CDK14: variants seen among roughly 807,000 people sequenced by gnomAD.
CDK14 encodes cyclin dependent kinase 14.
Under a neutral mutation model 60.7 loss-of-function variants are expected in CDK14, and 34 were observed. The observed-to-expected ratio is 0.56, with a 90% CI of 0.43 to 0.75. The LOEUF is 0.75. Among genes scored for constraint, CDK14 ranks in the 30% least tolerant of loss-of-function variants. The probability of loss-of-function intolerance (pLI) is 0.00; values close to 1 mark genes in which losing one functional copy is unlikely to be tolerated. For missense variants in CDK14, 482 were observed against 564.1 expected, an observed-to-expected ratio of 0.85 and a Z score of 1.47; for synonymous variants, 197 against 203.7, an observed-to-expected ratio of 0.97 and a Z score of 0.28.
intron 3 of CDK14, among the ~76,000 whole-genome samples, chr7:90,745,727 C>T (rs955120188): frequency 1.3e-5 from 2 of 152,110 alleles, no homozygotes; most frequent in Non-Finnish European, 2.9e-5. Flanking sequence ...TTAAAGTTAT[C>T]CTTACCTTTG....
Position 90,596,599 on chromosome 7 carries a change from G to T in CDK14, c.-29G>T. Reference sequence around the variant, plus strand: ...CTGAGCTGTGCCTGGACCAGTTTGGGGAAGTTGTCGGGGCTCCGCGTCGCC... The same window carrying T: ...CTGAGCTGTGCCTGGACCAGTTTGGTGAAGTTGTCGGGGCTCCGCGTCGCC... On this transcript the variant is annotated 5_prime_UTR_variant, in exon 1 of 15. Coordinates refer to ENST00000380050, the MANE Select transcript of CDK14 (RefSeq NM_001287135.2). The T allele has an allele frequency of 6.2e-7, 1 of 1,601,388 alleles. No individual in the cohort carries two copies. Among genetic ancestry groups the T allele is most frequent in the East Asian group, 2.2e-5 (1 of 44,718 alleles).
At chr7:90,868,485 T>C (rs972110328) in intron 6 of CDK14, among the ~76,000 whole-genome samples, 44 of 152,132 alleles carry the variant, frequency 2.9e-4, no homozygotes, top group African/African-American at 1.0e-3. Flanking sequence ...AATAAAGCTG[T>C]GAAACAAAGA....
intron 5 of CDK14, among the ~76,000 whole-genome samples, chr7:90,816,351 T>C (rs1789357421): frequency 6.6e-6 from 1 of 152,078 alleles, no homozygotes; most frequent in African/African-American, 2.4e-5. Context: ...CTCCTGAAAG[T>C]TTTCTAATGA....
intron 12 of CDK14, among the ~76,000 whole-genome samples, chr7:91,086,429 A>G (rs1171849817): frequency 6.6e-6 from 1 of 151,958 alleles, no homozygotes; most frequent in Non-Finnish European, 1.5e-5. Flanking sequence ...TCTGTTGGGA[A>G]CTGTTAGGGG....
intron 7 of CDK14, among the ~76,000 whole-genome samples, chr7:90,916,956 A>G (rs1285092709): frequency 6.6e-6 from 1 of 152,060 alleles, no homozygotes; most frequent in Admixed American, 6.6e-5. Flanking sequence ...TCCCTTTAGG[A>G]TGGGTTTGCT....
At chr7:90,637,636 A>C (rs1366891085) in intron 2 of CDK14, among the ~76,000 whole-genome samples, 1 of 151,740 alleles carries the variant, frequency 6.6e-6, no homozygotes, top group Non-Finnish European at 1.5e-5. Context: ...AGAGTTCTGT[A>C]GATGTCTATT....
chr7:90,695,566 GATA>G (rs1801639022), intron 2 of CDK14, among the ~76,000 whole-genome samples: 1 of 152,106 alleles, frequency 6.6e-6, no homozygotes, highest in African/African-American at 2.4e-5. Flanking sequence ...ATGGCAGGCA[GATA>G]ATAAACGGAT....
At chr7:90,635,713 A>AT (rs1800128700) in intron 2 of CDK14, among the ~76,000 whole-genome samples, 1 of 152,034 alleles carries the variant, frequency 6.6e-6, no homozygotes, top group African/African-American at 2.4e-5. Flanking sequence ...GAATCTATAA[A>AT]TTACCTTGGG....
At chr7:90,944,848 G>A (rs1305978860) in intron 8 of CDK14, among the ~76,000 whole-genome samples, 1 of 152,210 alleles carries the variant, frequency 6.6e-6, no homozygotes, top group Non-Finnish European at 1.5e-5. Flanking sequence ...GTTAAGTGCA[G>A]TGCTGAGGTA....
intron 2 of CDK14, among the ~76,000 whole-genome samples, chr7:90,662,816 A>G (rs909300201): frequency 3.3e-5 from 5 of 152,198 alleles, no homozygotes; most frequent in African/African-American, 1.2e-4. Flanking sequence ...TTTCTCAAGA[A>G]GAACTCAAGT....
intron 14 of CDK14, among the ~76,000 whole-genome samples, chr7:91,133,479 AAAAT>A (rs933532876): frequency 6.6e-5 from 10 of 152,320 alleles, no homozygotes; most frequent in South Asian, 2.1e-4. Context: ...AAATATTTTA[AAAAT>A]AAATAAGTAA....
At chr7:90,931,788 G>T (rs559904751) in intron 8 of CDK14, among the ~76,000 whole-genome samples, 5,201 of 151,826 alleles carry the variant, frequency 0.034, 93 homozygotes, top group Middle Eastern at 0.044. Context: ...TTTTGTGTGT[G>T]TGTGTGTGTG....
intron 2 of CDK14, among the ~76,000 whole-genome samples, chr7:90,665,923 C>A (rs1343087374): frequency 6.6e-6 from 1 of 152,138 alleles, no homozygotes; most frequent in African/African-American, 2.4e-5. Context: ...TGGATGTACA[C>A]CTATTTTGGG....
chr7:91,061,188 G>T (rs1017259720), intron 11 of CDK14, among the ~76,000 whole-genome samples: 1 of 152,044 alleles, frequency 6.6e-6, no homozygotes, highest in Admixed American at 6.6e-5. Flanking sequence ...CCAGTTGATC[G>T]AATCGGCTAC....
At chr7:91,004,426 G>A (rs941071322) in intron 10 of CDK14, among the ~76,000 whole-genome samples, 1 of 152,212 alleles carries the variant, frequency 6.6e-6, no homozygotes, top group South Asian at 2.1e-4. Flanking sequence ...GCTTATTTGA[G>A]GAGGTACAAG....
Position 90,776,999 on chromosome 7 carries a change from A to G in CDK14, c.465-13574A>G, listed in dbSNP as rs567738644. Among the ~76,000 whole-genome samples, 3 of 141,334 alleles carry G rather than the reference A, an allele frequency of 2.1e-5. No individual in the cohort carries two copies. The South Asian group carries it at 7.1e-4, about 33-fold the overall frequency. The allele number at this position is 141,334 out of a possible 152,430, so 92.7% of individuals were successfully genotyped here. On this transcript the variant is annotated intron_variant, in intron 4 of 14. Coordinates refer to ENST00000380050, the MANE Select transcript of CDK14 (RefSeq NM_001287135.2). ...TTTCTCAACAATTAGAAAGCAAAAT[A>G]GTGACACGAAGTTAGTTAAAAAAAA...
At chr7:90,866,204 G>A (rs1791174715) in intron 6 of CDK14, among the ~76,000 whole-genome samples, 1 of 146,744 alleles carries the variant, frequency 6.8e-6, no homozygotes, top group African/African-American at 2.5e-5. Flanking sequence ...TATGCCACTA[G>A]GGTCTTCTGA....
At chr7:90,873,769 GATT>G (rs1162138488) in intron 6 of CDK14, among the ~76,000 whole-genome samples, 2 of 151,886 alleles carry the variant, frequency 1.3e-5, no homozygotes, top group African/African-American at 4.8e-5. Context: ...TTCACTTATT[GATT>G]ATTCATCTTT....
At chr7:90,778,561 C>T (rs1805149962) in intron 4 of CDK14, among the ~76,000 whole-genome samples, 1 of 152,148 alleles carries the variant, frequency 6.6e-6, no homozygotes, top group Admixed American at 6.5e-5. Flanking sequence ...TTCTTAAGAT[C>T]TTTCAGTGTT....
Sources: gnomAD v4.1 joint callset for allele counts (sites outside exome capture counted in the v4.1 genomes callset) on GRCh38, gnomAD v4.1.1 for gene constraint, MANE v1.5 for transcripts, NCBI Gene and HGNC (gene_info 2026-07-23, HGNC 2026-07-21) for gene names.